Variants in SLC25A12 observed in about 807,000 individuals in gnomAD.
The protein encoded by SLC25A12 is electrogenic aspartate/glutamate antiporter SLC25A12, mitochondrial.
Under a neutral mutation model 83.3 loss-of-function variants are expected in SLC25A12, and 32 were observed. That is an observed-to-expected ratio of 0.38 (90% confidence interval 0.29 to 0.52). The LOEUF is 0.52. Ranked by LOEUF, SLC25A12 falls within the 20% of genes least tolerant of loss-of-function variation. The probability of loss-of-function intolerance (pLI) is 0.84; values close to 1 mark genes in which losing one functional copy is unlikely to be tolerated. For synonymous variants in SLC25A12, 267 were observed against 291.1 expected, an observed-to-expected ratio of 0.92 and a Z score of 0.84; for missense variants, 611 against 835.6, an observed-to-expected ratio of 0.73 and a Z score of 3.31.
chr2:171,876,838 G>T (rs62182401), intron 2 of SLC25A12, among the ~76,000 whole-genome samples: 21,179 of 152,134 alleles, frequency 0.14, 1,809 homozygotes, highest in South Asian at 0.2. Flanking sequence ...TTTATCATTT[G>T]CCATTTCAAA....
At chr2:171,844,342 G>T (rs781609668) in intron 5 of SLC25A12, 27 bp downstream of exon 5, 1 of 1,608,828 alleles carries the variant, frequency 6.2e-7, no homozygotes, top group Non-Finnish European at 8.5e-7. Context: ...AGTATATATT[G>T]ATACCTGTTA....
intron 13 of SLC25A12, among the ~76,000 whole-genome samples, chr2:171,794,603 C>A (rs530306152): frequency 4.9e-5 from 7 of 143,578 alleles, no homozygotes; most frequent in South Asian, 2.2e-4. Context: ...AAAAAAAAAA[C>A]GTTTAACAAA....
At chr2:171,847,748 G>A (rs562179657) in intron 4 of SLC25A12, among the ~76,000 whole-genome samples, 1 of 152,262 alleles carries the variant, frequency 6.6e-6, no homozygotes, top group South Asian at 2.1e-4. Context: ...CTGACATATA[G>A]AAAACAAAAG....
rs1180512002 is a variant in SLC25A12 at position 171,787,900 on chromosome 2, T to G, written c.1633A>C (p.Arg545=). ...LVTPADVIKT[R]LQVAARAGQT... is the part of the protein sequence containing the mutation. Reference sequence around the variant, plus strand: ...CCAGCGCGGGCAGCCACCTGCAGTCTTGTCTTGATGACATCAGCAGGGGTC... The same window carrying G: ...CCAGCGCGGGCAGCCACCTGCAGTCGTGTCTTGATGACATCAGCAGGGGTC... The change falls in exon 16 of 18, where the codon AGA becomes CGA. Residue 545 remains arginine, a synonymous_variant. Transcript: ENST00000422440. 1.2e-6 allele frequency: 2 copies of G among 1,614,220 alleles called. No homozygotes were observed. The highest frequency in any genetic ancestry group is 2.2e-5 in the South Asian group (2 of 91,088).
rs146868573 is a variant in SLC25A12 at position 171,834,029 on chromosome 2, T to C, written c.779A>G (p.Tyr260Cys). ...AATTTCTAGTGGTGTGACTTGTCCATAGCGTATGGCACTCTGGGCAAATTC... is the reference window on the plus strand; with the variant it reads ...AATTTCTAGTGGTGTGACTTGTCCACAGCGTATGGCACTCTGGGCAAATTC... ...KEEFAQSAIRYGQVTPLEIDI... is the reference protein window; with the variant it reads ...KEEFAQSAIRCGQVTPLEIDI... The change falls in exon 8 of 18, where the codon TAT becomes TGT. Residue 260 changes from tyrosine (Y) to cysteine (C), a missense_variant. Tyr to Cys is a radical substitution (Grantham distance 194). Transcript: ENST00000422440. 69 of 1,609,802 alleles carry C rather than the reference T, an allele frequency of 4.3e-5. No individual in the cohort carries two copies. The African/African-American group carries it at 8.5e-4, about 20-fold the overall frequency.
chr2:171,793,806 A>G (rs911481698), intron 13 of SLC25A12, 39 bp from the exon 14 acceptor site: 24 of 1,613,522 alleles, frequency 1.5e-5, no homozygotes, highest in Non-Finnish European at 2.0e-5. Flanking sequence ...ATTCCACATC[A>G]GAGCCCGACT....
intron 3 of SLC25A12, among the ~76,000 whole-genome samples, chr2:171,866,586 G>T (rs1270983549): frequency 7.0e-6 from 1 of 142,950 alleles, no homozygotes; most frequent in African/African-American, 2.6e-5. Flanking sequence ...CCGGGCGGGG[G>T]GCTGACCCCC....
chr2:171,866,603 C>A (rs1197072714), intron 3 of SLC25A12, among the ~76,000 whole-genome samples: 1 of 40,958 alleles, frequency 2.4e-5, no homozygotes, highest in African/African-American at 8.1e-5. Flanking sequence ...CCCCCCACCT[C>A]CCTCCCGGAC....
chr2:171,836,667 G>A (rs1450754759), intron 6 of SLC25A12, among the ~76,000 whole-genome samples: 1 of 152,140 alleles, frequency 6.6e-6, no homozygotes, highest in African/African-American at 2.4e-5. Flanking sequence ...ACAAAGGAAG[G>A]AGCCATCTTT....
chr2:171,886,814 A>G (rs1685833703), intron 2 of SLC25A12, among the ~76,000 whole-genome samples: 1 of 152,144 alleles, frequency 6.6e-6, no homozygotes, highest in Non-Finnish European at 1.5e-5. Context: ...CTTGCCCTAT[A>G]TTCTTATATT....
intron 3 of SLC25A12, among the ~76,000 whole-genome samples, chr2:171,865,307 T>C (rs933355028): frequency 5.9e-5 from 9 of 152,154 alleles, no homozygotes; most frequent in Non-Finnish European, 1.5e-5. Context: ...TCGCAGTAAA[T>C]AACACCATTT....
rs1263759774 is a variant in SLC25A12, at chr2:171,783,541, TAG to T, written c.*1731_*1732del. Reference sequence around the variant, plus strand: ...ATATAAATATGTACATATATTTCTATAGAGTTATGAAAAACAGACTACATATT... The same window carrying T: ...ATATAAATATGTACATATATTTCTATAGTTATGAAAAACAGACTACATATT... On this transcript the variant is annotated 3_prime_UTR_variant, in exon 18 of 18. Coordinates refer to ENST00000422440, the MANE Select transcript of SLC25A12 (RefSeq NM_003705.5). 1.3e-5 allele frequency among the ~76,000 whole-genome samples: 2 copies of T among 152,196 alleles called. No homozygotes were observed. The highest frequency in any genetic ancestry group is 2.4e-5 in the African/African-American group (1 of 41,460).
At chr2:171,857,683 T>TA (rs1237826588) in intron 3 of SLC25A12, among the ~76,000 whole-genome samples, 3 of 150,922 alleles carry the variant, frequency 2.0e-5, no homozygotes, top group Admixed American at 6.6e-5. Flanking sequence ...AGACCCTGTT[T>TA]AAAAAAAAAT....
At chr2:171,883,860 G>A (rs1032755282) in intron 2 of SLC25A12, among the ~76,000 whole-genome samples, 2 of 151,598 alleles carry the variant, frequency 1.3e-5, no homozygotes, top group African/African-American at 2.4e-5. Context: ...TGTTTGTTTT[G>A]TTTTTTGTTT....
At chr2:171,788,334 C>T (rs1690529042) in intron 15 of SLC25A12, 1 of 229,492 alleles carries the variant, frequency 4.4e-6, no homozygotes, top group African/African-American at 2.3e-5. Context: ...ATGATAATGT[C>T]ATCTTAGTGA....
intron 1 of SLC25A12, among the ~76,000 whole-genome samples, 199 bp from the exon 2 acceptor site, chr2:171,893,457 T>C (rs1558949049): frequency 6.6e-6 from 1 of 152,182 alleles, no homozygotes; most frequent in African/African-American, 2.4e-5. Flanking sequence ...CAGGTGCGAA[T>C]AGCCTAAGAT....
rs373559561 is a variant in SLC25A12 at position 171,824,979 on chromosome 2, AT to A, written c.930+1818del. On this transcript the variant is annotated intron_variant, in intron 9 of 17. Coordinates refer to ENST00000422440, the MANE Select transcript of SLC25A12 (RefSeq NM_003705.5). ...CCATCACGCCTGGCTAATTTTTTGC[AT>A]TTTTTTTTTGTAGAGATGGGGTTTT... Among the ~76,000 whole-genome samples the A allele has an allele frequency of 2.7e-3, 401 of 146,886 alleles. 2 individuals carry two copies. The highest frequency in any genetic ancestry group is 0.018 in the Middle Eastern group (5 of 282).
At chr2:171,877,473 T>C (rs1017776794) in intron 2 of SLC25A12, among the ~76,000 whole-genome samples, 9 of 152,030 alleles carry the variant, frequency 5.9e-5, no homozygotes, top group African/African-American at 2.2e-4. Flanking sequence ...GAGACCAGCC[T>C]GGCCAACATA....
intron 4 of SLC25A12, among the ~76,000 whole-genome samples, chr2:171,850,391 G>A (rs1197336372): frequency 1.6e-5 from 2 of 123,382 alleles, no homozygotes; most frequent in Admixed American, 1.1e-4. Context: ...TGTCGCCCAG[G>A]CTGCAGTGCA....
Sources: gnomAD v4.1 joint callset for allele counts (sites outside exome capture counted in the v4.1 genomes callset) on GRCh38, gnomAD v4.1.1 for gene constraint, MANE v1.5 for transcripts, NCBI Gene and HGNC (gene_info 2026-07-23, HGNC 2026-07-21) for gene names.